PCBP3: variants seen among roughly 807,000 people sequenced by gnomAD.
PCBP3 encodes poly(rC)-binding protein 3.
PCBP3 carries 25 observed loss-of-function variants against 52.7 expected under a neutral mutation model. That is an observed-to-expected ratio of 0.47 (90% CI 0.35 to 0.66). The LOEUF (loss-of-function observed/expected upper bound fraction) is 0.66. Among genes scored for constraint, PCBP3 ranks in the 30% least tolerant of loss-of-function variants. The pLI is 0.01. For missense variants in PCBP3, 391 were observed against 490.3 expected, an observed-to-expected ratio of 0.80 and a Z score of 1.91; for synonymous variants, 162 against 183.0, an observed-to-expected ratio of 0.89 and a Z score of 0.93.
At chr21:45,739,307 G>A (rs1467944677) in intron 3 of PCBP3, among the ~76,000 whole-genome samples, 2 of 79,852 alleles carry the variant, frequency 2.5e-5, no homozygotes, top group East Asian at 3.6e-4. Context: ...ACCCCTTCCT[G>A]TGCATTGTCC....
At chr21:45,722,980 C>G (rs773864428) in intron 2 of PCBP3, among the ~76,000 whole-genome samples, 1 of 151,510 alleles carries the variant, frequency 6.6e-6, no homozygotes, top group Non-Finnish European at 1.5e-5. Context: ...CACCACTGCA[C>G]TCCAGCCTGG....
intron 3 of PCBP3, among the ~76,000 whole-genome samples, chr21:45,738,655 G>A (rs2086077934): frequency 6.6e-6 from 1 of 152,206 alleles, no homozygotes; most frequent in Non-Finnish European, 1.5e-5. Context: ...AGTGCAGAGA[G>A]CAGCTGAAGG....
At chr21:45,694,678 T>C (rs1294151389) in intron 2 of PCBP3, among the ~76,000 whole-genome samples, 2 of 152,172 alleles carry the variant, frequency 1.3e-5, no homozygotes, top group South Asian at 2.1e-4. Flanking sequence ...GGTTGCTGGA[T>C]AGAAGGTGAA....
At chr21:45,927,304 C>CT (rs1603533242) in intron 13 of PCBP3, among the ~76,000 whole-genome samples, 1 of 6,060 alleles carries the variant, frequency 1.7e-4, no homozygotes. Context: ...TCCTCCCTCC[C>CT]CTCCCCTTCC....
chr21:45,688,508 T>C (rs186178196), intron 2 of PCBP3, among the ~76,000 whole-genome samples: 23 of 152,256 alleles, frequency 1.5e-4, no homozygotes, highest in Admixed American at 1.2e-3. Context: ...ATGTCAGTGC[T>C]GACATCAGAA....
At chr21:45,654,711 G>A (rs185400201) in intron 1 of PCBP3, among the ~76,000 whole-genome samples, 11 of 152,098 alleles carry the variant, frequency 7.2e-5, no homozygotes, top group Admixed American at 1.3e-4. Flanking sequence ...TTACTTAAAC[G>A]TTTTGTGGGA....
chr21:45,796,102 G>A (rs535770161), intron 4 of PCBP3, among the ~76,000 whole-genome samples: 3 of 152,322 alleles, frequency 2.0e-5, no homozygotes, highest in South Asian at 2.1e-4. Context: ...GATCCCCTCT[G>A]CAGGTGGGTT....
intron 9 of PCBP3, 136 bp from the exon 10 acceptor site, chr21:45,909,218 GC>G: frequency 1.1e-6 from 1 of 905,798 alleles, no homozygotes; most frequent in Non-Finnish European, 1.7e-6. Context: ...GCCTGGCCTG[GC>G]CACTTTGTCC....
chr21:45,843,884 A>G (rs897520275), intron 4 of PCBP3, among the ~76,000 whole-genome samples: 5 of 152,098 alleles, frequency 3.3e-5, no homozygotes, highest in African/African-American at 1.2e-4. Flanking sequence ...CATACGCACT[A>G]TCATGTTGTT....
At chr21:45,769,385 G>A (rs1167234106) in intron 4 of PCBP3, among the ~76,000 whole-genome samples, 1 of 152,266 alleles carries the variant, frequency 6.6e-6, no homozygotes, top group Non-Finnish European at 1.5e-5. Flanking sequence ...CTCACCATTA[G>A]AAGACGCGGG....
At chr21:45,925,723 A>G (rs1173615456) in intron 13 of PCBP3, among the ~76,000 whole-genome samples, 2 of 152,262 alleles carry the variant, frequency 1.3e-5, no homozygotes. Context: ...TTTAAGAGAA[A>G]AACTTTACTC....
At chr21:45,709,764 G>A (rs1381953336) in intron 2 of PCBP3, among the ~76,000 whole-genome samples, 1 of 152,120 alleles carries the variant, frequency 6.6e-6, no homozygotes, top group African/African-American at 2.4e-5. Flanking sequence ...GATTTCTTCA[G>A]TTTTCCCGTA....
intron 1 of PCBP3, among the ~76,000 whole-genome samples, chr21:45,663,177 CT>C (rs2080530789): frequency 2.0e-5 from 3 of 152,164 alleles, no homozygotes; most frequent in Non-Finnish European, 4.4e-5. Context: ...CTCTCTCTCT[CT>C]CTCTCCACCT....
chr21:45,736,823 G>A lies in PCBP3; in HGVS notation c.-162+1394G>A, dbSNP rs1210003654. Among the ~76,000 whole-genome samples, 1 of 152,174 alleles carries A rather than the reference G, an allele frequency of 6.6e-6. No homozygotes were observed. The highest frequency in any genetic ancestry group is 1.5e-5 in the Non-Finnish European group (1 of 68,034). ...ATCCTGACATCCTTGTGGGGGGATC[G>A]AAAACATAAATCTAGTCAGTGAGTT... On this transcript the variant is annotated intron_variant, in intron 3 of 17. Transcript: ENST00000681687. The surrounding 1 kb of genome is among the most constrained non-coding windows in gnomAD (Gnocchi z 4.6).
At chr21:45,801,998 C>A (rs944815912) in intron 4 of PCBP3, among the ~76,000 whole-genome samples, 2 of 152,226 alleles carry the variant, frequency 1.3e-5, no homozygotes, top group Admixed American at 1.3e-4. Flanking sequence ...TGTCCTGTGA[C>A]ACTGACTGTC....
intron 4 of PCBP3, among the ~76,000 whole-genome samples, chr21:45,774,610 G>T (rs149275709): frequency 5.3e-4 from 81 of 152,222 alleles, no homozygotes; most frequent in African/African-American, 1.8e-3. Flanking sequence ...TTCTTAGAGA[G>T]AACACTCTTA....
intron 2 of PCBP3, among the ~76,000 whole-genome samples, chr21:45,701,769 A>G (rs1217914021): frequency 6.6e-6 from 1 of 152,256 alleles, no homozygotes; most frequent in Non-Finnish European, 1.5e-5. Flanking sequence ...CATGTTGGCC[A>G]GGCTGGCCTT....
intron 5 of PCBP3, among the ~76,000 whole-genome samples, chr21:45,867,199 G>A (rs1251744966): frequency 6.6e-6 from 1 of 152,236 alleles, no homozygotes; most frequent in African/African-American, 2.4e-5. Flanking sequence ...AGGGAAGGCG[G>A]CGGACGGAAC....
At chr21:45,701,099 T>C (rs1453779606) in intron 2 of PCBP3, among the ~76,000 whole-genome samples, 3 of 152,256 alleles carry the variant, frequency 2.0e-5, no homozygotes, top group South Asian at 2.1e-4. Flanking sequence ...AATTCTGATA[T>C]CAATTTCTAA....
Sources: gnomAD v4.1 joint callset for allele counts (sites outside exome capture counted in the v4.1 genomes callset) on GRCh38, gnomAD v4.1.1 for gene constraint, Gnocchi (gnomAD v3.1) non-coding constraint, MANE v1.5 for transcripts, NCBI Gene and HGNC (gene_info 2026-07-23, HGNC 2026-07-21) for gene names.